Variants in STXBP5 observed in about 807,000 individuals in gnomAD.
STXBP5 encodes the protein syntaxin-binding protein 5.
In STXBP5, 50 loss-of-function variants were observed where a neutral mutation model predicts 152.4. The observed-to-expected ratio is 0.33, with a 90% CI of 0.26 to 0.42. STXBP5 has a LOEUF of 0.42. Among genes scored for constraint, STXBP5 ranks in the 10% least tolerant of loss-of-function variants. The pLI, the probability that STXBP5 is intolerant of heterozygous loss-of-function variation, is 1.00. For missense variants in STXBP5, 1,167 were observed against 1,388.6 expected (o/e 0.84, Z 2.54); for synonymous variants, 492 against 494.7 (o/e 0.99, Z 0.07).
At chr6:147,240,776 T>A (rs1778502536) in intron 4 of STXBP5, among the ~76,000 whole-genome samples, 1 of 152,182 alleles carries the variant, frequency 6.6e-6, no homozygotes, top group African/African-American at 2.4e-5. Context: ...TCATGACATT[T>A]CATGGAATTA....
intron 2 of STXBP5, among the ~76,000 whole-genome samples, chr6:147,216,130 G>A (rs890026924): frequency 1.4e-4 from 21 of 152,148 alleles, no homozygotes; most frequent in African/African-American, 4.3e-4. Flanking sequence ...GGTTGCTCAC[G>A]CCTGTAATCC....
At chr6:147,345,626 A>T (rs1380573723) in intron 21 of STXBP5, among the ~76,000 whole-genome samples, 2 of 152,214 alleles carry the variant, frequency 1.3e-5, no homozygotes, top group African/African-American at 4.8e-5. Flanking sequence ...TTCATCAGTC[A>T]TAGTTCTTTT....
intron 2 of STXBP5, among the ~76,000 whole-genome samples, chr6:147,217,377 T>C (rs1777224650): frequency 6.6e-6 from 1 of 152,240 alleles, no homozygotes; most frequent in Non-Finnish European, 1.5e-5. Flanking sequence ...AAAGCTGTTT[T>C]TACTTATATG....
intron 16 of STXBP5, among the ~76,000 whole-genome samples, chr6:147,320,975 A>C (rs995320059): frequency 6.6e-6 from 1 of 152,170 alleles, no homozygotes; most frequent in Non-Finnish European, 1.5e-5. Flanking sequence ...CTCTAGTATT[A>C]CCTTACTAAA....
chr6:147,296,244 C>T (rs150761195), intron 9 of STXBP5, among the ~76,000 whole-genome samples: 391 of 152,132 alleles, frequency 2.6e-3, no homozygotes, highest in Non-Finnish European at 4.2e-3. Context: ...GCTCAGCAAA[C>T]CTGCCTTTAC....
At chr6:147,217,650 A>G (rs1282098655) in intron 2 of STXBP5, among the ~76,000 whole-genome samples, 1 of 152,200 alleles carries the variant, frequency 6.6e-6, no homozygotes, top group African/African-American at 2.4e-5. Flanking sequence ...CTTACTAAAA[A>G]TAATAGTGGA....
At position 147,316,218 on chromosome 6, in the gene STXBP5, T is replaced by C; in HGVS notation, c.1624-11T>C. On this transcript the variant is annotated splice_polypyrimidine_tract_variant and intron_variant, in intron 15 of 27. Transcript: ENST00000321680. ...ATTAGGAGTAAGTAAACTACCTTAC[T>C]TTTACAACAGATGCTTGAAGTTCGA... is the stretch of plus-strand genomic sequence containing the variant. 3.7e-6 allele frequency: 6 copies of C among 1,613,404 alleles called. No homozygotes were observed. The highest frequency in any genetic ancestry group is 5.1e-6 in the Non-Finnish European group (6 of 1,179,596).
chr6:147,296,794 A>T (rs1295034846), intron 9 of STXBP5, among the ~76,000 whole-genome samples: 1 of 152,224 alleles, frequency 6.6e-6, no homozygotes, highest in East Asian at 1.9e-4. Context: ...TGCAAACAGA[A>T]ATCTTGGAAC....
At chr6:147,238,093 CTTTGGCCATTTTCTGTT>C (rs1778366986) in intron 3 of STXBP5, among the ~76,000 whole-genome samples, 1 of 152,114 alleles carries the variant, frequency 6.6e-6, no homozygotes, top group Non-Finnish European at 1.5e-5. Context: ...TGCTCTGTGT[CTTTGGCCATTTTCTGTT>C]GCTACAACTG....
At chr6:147,246,631 TAC>T (rs999792682) in intron 4 of STXBP5, among the ~76,000 whole-genome samples, 20 of 152,192 alleles carry the variant, frequency 1.3e-4, no homozygotes, top group African/African-American at 4.6e-4. Context: ...TAGTCTGATT[TAC>T]AGTTTCTATA....
At chr6:147,226,781 CT>C in intron 2 of STXBP5, among the ~76,000 whole-genome samples, 1 of 152,206 alleles carries the variant, frequency 6.6e-6, no homozygotes. Context: ...TGTTGCTAAA[CT>C]TTTGAGATTT....
chr6:147,242,728 A>G lies in STXBP5; in HGVS notation c.431+3458A>G, dbSNP rs116017046. On this transcript the variant is annotated intron_variant, in intron 4 of 27. Coordinates refer to ENST00000321680, the MANE Select transcript of STXBP5 (RefSeq NM_001127715.4). ...GCTGTACTATACAGCCTAGGTGTGT[A>G]GTAGGCTATACCATCTAGGTTCGTG... is the stretch of plus-strand genomic sequence containing the variant. Among the ~76,000 whole-genome samples the G allele has an allele frequency of 8.1e-3, 1,238 of 152,258 alleles. 20 individuals are homozygous for G. Among genetic ancestry groups the G allele is most frequent in the African/African-American group, 0.029 (1,190 of 41,558 alleles).
chr6:147,314,690 A>T, intron 14 of STXBP5, 54 bp downstream of exon 14: 6 of 1,339,436 alleles, frequency 4.5e-6, no homozygotes, highest in Non-Finnish European at 6.2e-6. Flanking sequence ...CACTGCTTTT[A>T]TGCATCCTGT....
chr6:147,298,721 T>C (rs1305226974), intron 9 of STXBP5, among the ~76,000 whole-genome samples: 1 of 152,020 alleles, frequency 6.6e-6, no homozygotes, highest in African/African-American at 2.4e-5. Flanking sequence ...CTCATCATGC[T>C]CTGAATAGCC....
At chr6:147,320,579 G>T (rs4452661) in intron 16 of STXBP5, among the ~76,000 whole-genome samples, 110 of 149,050 alleles carry the variant, frequency 7.4e-4, no homozygotes, top group East Asian at 2.4e-3. Flanking sequence ...GTGTGTGTGT[G>T]TGTGTGTGTG....
chr6:147,226,298 C>CAA (rs58977863), intron 2 of STXBP5, among the ~76,000 whole-genome samples: 7 of 90,556 alleles, frequency 7.7e-5, no homozygotes, highest in African/African-American at 1.5e-4. Flanking sequence ...GATACCCTTA[C>CAA]AAAAAAAAAA....
chr6:147,216,983 C>T (rs1207446550), intron 2 of STXBP5, among the ~76,000 whole-genome samples: 1 of 152,042 alleles, frequency 6.6e-6, no homozygotes, highest in African/African-American at 2.4e-5. Flanking sequence ...TTTTTATTTT[C>T]AAATAAGTGC....
At chr6:147,240,979 T>C (rs1203798983) in intron 4 of STXBP5, among the ~76,000 whole-genome samples, 1 of 152,172 alleles carries the variant, frequency 6.6e-6, no homozygotes, top group Non-Finnish European at 1.5e-5. Context: ...GAAAATGGGA[T>C]ATCTTGAAGT....
chr6:147,348,787 T>G (rs954671586), intron 21 of STXBP5, among the ~76,000 whole-genome samples: 7 of 152,152 alleles, frequency 4.6e-5, no homozygotes, highest in Non-Finnish European at 1.0e-4. Flanking sequence ...CCTAACTGAT[T>G]CATAAGTGTT....
Sources: gnomAD v4.1 joint callset for allele counts (sites outside exome capture counted in the v4.1 genomes callset) on GRCh38, gnomAD v4.1.1 for gene constraint, MANE v1.5 for transcripts, NCBI Gene and HGNC (gene_info 2026-07-23, HGNC 2026-07-21) for gene names.